The following TMTC2 variants were observed in gnomAD, a reference collection of about 807,000 sequenced individuals.
The protein encoded by TMTC2 is transmembrane O-mannosyltransferase targeting cadherins 2, also known as protein O-mannosyl-transferase TMTC2.
A neutral mutation model predicts 82.4 loss-of-function variants in TMTC2; 43 were observed. That is an observed-to-expected ratio of 0.52 (90% CI 0.41 to 0.67). TMTC2 has a LOEUF of 0.67. Ranked by LOEUF, TMTC2 falls within the 30% of genes least tolerant of loss-of-function variation. The pLI is 0.00. For missense variants in TMTC2, 919 were observed against 1,012.4 expected (o/e 0.91, Z 1.25); for synonymous variants, 408 against 381.9 (o/e 1.07, Z -0.80).
intron 1 of TMTC2, among the ~76,000 whole-genome samples, chr12:82,791,727 C>G (rs896630821): frequency 6.6e-6 from 1 of 152,126 alleles, no homozygotes; most frequent in Non-Finnish European, 1.5e-5. Flanking sequence ...TGTAAATTCT[C>G]AGACACCACC....
intron 1 of TMTC2, among the ~76,000 whole-genome samples, chr12:82,689,357 A>G (rs1016508089): frequency 6.6e-6 from 1 of 152,032 alleles, no homozygotes; most frequent in African/African-American, 2.4e-5. Flanking sequence ...TTTTCACTAA[A>G]ACCACCTTGG....
chr12:82,722,280 C>T (rs1314976823), intron 1 of TMTC2, among the ~76,000 whole-genome samples: 1 of 151,622 alleles, frequency 6.6e-6, no homozygotes, highest in African/African-American at 2.4e-5. Flanking sequence ...TGAGGTTGGG[C>T]GCGGTGGCTC....
At chr12:82,852,989 C>T (rs1187120468) in intron 1 of TMTC2, among the ~76,000 whole-genome samples, 1 of 152,136 alleles carries the variant, frequency 6.6e-6, no homozygotes, top group African/African-American at 2.4e-5. Context: ...TAATGTCTCC[C>T]TTAGTATAGT....
intron 10 of TMTC2, among the ~76,000 whole-genome samples, chr12:83,052,771 T>C (rs1175963700): frequency 6.6e-6 from 1 of 152,172 alleles, no homozygotes; most frequent in Non-Finnish European, 1.5e-5. Context: ...TTTTCTTAGT[T>C]GCCTTAGTGC....
In TMTC2 at chr12:82,964,914, AT is replaced by A. The variant is rs1878118592; in HGVS notation, c.1599-105del. 8 of 597,978 alleles carry A rather than the reference AT, an allele frequency of 1.3e-5. No homozygotes were observed. The South Asian group carries it at 2.5e-4, about 18-fold the overall frequency. The allele number at this position is 597,978 out of a possible 1,614,324, so 37.0% of individuals were successfully genotyped here. The stretch of plus-strand genomic sequence containing the variant: ...TTTATTTTTATATTACCAGGTTAGC[AT>A]TTTTACTGTGCTGTTAACCATTTTT... On this transcript the variant is annotated intron_variant, in intron 4 of 11. Transcript: ENST00000321196.
At chr12:82,769,174 T>C (rs1488322882) in intron 1 of TMTC2, among the ~76,000 whole-genome samples, 2 of 151,518 alleles carry the variant, frequency 1.3e-5, no homozygotes, top group Non-Finnish European at 2.9e-5. Context: ...TAAGAGCAAC[T>C]TAAGATGTAA....
At chr12:83,035,418 G>A (rs1401311581) in intron 9 of TMTC2, among the ~76,000 whole-genome samples, 2 of 151,950 alleles carry the variant, frequency 1.3e-5, no homozygotes, top group Non-Finnish European at 2.9e-5. Context: ...ATAGTCTCTG[G>A]GATTCAGATT....
intron 11 of TMTC2, among the ~76,000 whole-genome samples, chr12:83,125,322 C>A (rs1179648317): frequency 6.6e-6 from 1 of 152,144 alleles, no homozygotes; most frequent in Non-Finnish European, 1.5e-5. Flanking sequence ...GGTAGGCAGT[C>A]GTATTTAGGA....
At chr12:83,007,956 T>G (rs1204054702) in intron 8 of TMTC2, among the ~76,000 whole-genome samples, 1 of 152,202 alleles carries the variant, frequency 6.6e-6, no homozygotes, top group African/African-American at 2.4e-5. Flanking sequence ...ACTCTCTTCT[T>G]GCTTGATGGT....
intron 8 of TMTC2, among the ~76,000 whole-genome samples, chr12:83,006,120 G>T (rs1880191811): frequency 6.6e-6 from 1 of 152,112 alleles, no homozygotes; most frequent in Non-Finnish European, 1.5e-5. Context: ...GTAAGTGTGG[G>T]TTTCTCTACA....
chr12:82,740,926 C>T (rs1875371184), intron 1 of TMTC2, among the ~76,000 whole-genome samples: 1 of 152,230 alleles, frequency 6.6e-6, no homozygotes, highest in Admixed American at 6.5e-5. Flanking sequence ...CAAACTCGAG[C>T]ACAACATAGC....
rs900315365 is a variant in TMTC2 at position 83,053,734 on chromosome 12, A to G, written c.2267+2716A>G. On this transcript the variant is annotated intron_variant, in intron 10 of 11. Transcript: ENST00000321196. ...ATCTTTCTCTGTAGAATAAGCTAAT[A>G]TAAAGTTTTGAAATATATTATTCAA... Among the ~76,000 whole-genome samples, 113 of 152,238 alleles carry G rather than the reference A, an allele frequency of 7.4e-4. 1 individual carries two copies. The highest frequency in any genetic ancestry group is 8.8e-5 in the Non-Finnish European group (6 of 67,994).
At chr12:82,837,415 CT>C (rs2137084509) in intron 1 of TMTC2, among the ~76,000 whole-genome samples, 1 of 152,154 alleles carries the variant, frequency 6.6e-6, no homozygotes, top group East Asian at 1.9e-4. Flanking sequence ...CAAATCTAGC[CT>C]GGGTAACATA....
intron 11 of TMTC2, among the ~76,000 whole-genome samples, chr12:83,101,923 TAAAAATGAC>T: frequency 6.6e-6 from 1 of 152,198 alleles, no homozygotes; most frequent in Non-Finnish European, 1.5e-5. Flanking sequence ...TGCATGAGAA[TAAAAATGAC>T]TTGTCTGGCT....
intron 1 of TMTC2, among the ~76,000 whole-genome samples, chr12:82,845,087 G>T (rs1278110162): frequency 6.8e-6 from 1 of 148,086 alleles, no homozygotes; most frequent in Non-Finnish European, 1.5e-5. Context: ...AAATTAGCTG[G>T]GCGTAGTGGC....
intron 1 of TMTC2, among the ~76,000 whole-genome samples, chr12:82,716,928 T>C (rs1050506990): frequency 3.3e-5 from 5 of 152,120 alleles, no homozygotes; most frequent in African/African-American, 1.2e-4. Context: ...GGCTCTGCAG[T>C]GAGAAAGAAA....
chr12:82,830,832 A>G (rs984575686), intron 1 of TMTC2, among the ~76,000 whole-genome samples: 2 of 152,222 alleles, frequency 1.3e-5, no homozygotes, highest in African/African-American at 4.8e-5. Flanking sequence ...AATGCTGCTT[A>G]GCTTAAGATA....
intron 1 of TMTC2, among the ~76,000 whole-genome samples, chr12:82,690,892 G>T (rs1592850683): frequency 6.6e-6 from 1 of 152,128 alleles, no homozygotes; most frequent in South Asian, 2.1e-4. Flanking sequence ...AAAACTCTCT[G>T]CATTCTTACG....
chr12:82,933,323 T>C (rs888143847), intron 4 of TMTC2, among the ~76,000 whole-genome samples: 8 of 152,162 alleles, frequency 5.3e-5, no homozygotes, highest in African/African-American at 1.9e-4. Context: ...CTTTGCAATA[T>C]ATAATATTAT....
Sources: gnomAD v4.1 joint callset for allele counts (sites outside exome capture counted in the v4.1 genomes callset) on GRCh38, gnomAD v4.1.1 for gene constraint, MANE v1.5 for transcripts, NCBI Gene and HGNC (gene_info 2026-07-23, HGNC 2026-07-21) for gene names.